The following CSN3 variants were observed in gnomAD, a reference collection of about 807,000 sequenced individuals.
CSN3 encodes the protein casein kappa, also known as kappa-casein.
In CSN3, 7 loss-of-function variants were observed where a neutral mutation model predicts 9.9. The observed-to-expected ratio is 0.71, with a 90% CI of 0.40 to 1.33. The LOEUF (loss-of-function observed/expected upper bound fraction) is 1.33. CSN3 is among the 40% of genes most tolerant of loss of function. The pLI, the probability that CSN3 is intolerant of heterozygous loss-of-function variation, is 0.01. For synonymous variants in CSN3, 88 were observed against 82.3 expected (o/e 1.07, Z -0.37); for missense variants, 253 against 227.9 (o/e 1.11, Z -0.71).
chr4:70,239,052 G>A (rs957092469), upstream of CSN3, among the ~76,000 whole-genome samples: 1 of 151,778 alleles, frequency 6.6e-6, no homozygotes, highest in Non-Finnish European at 1.5e-5. Flanking sequence ...GATACTTAAG[G>A]TTACAGGAAT....
exon 4 of CSN3, chr4:70,249,335 C>A (rs1285213999): frequency 6.2e-7 from 1 of 1,613,928 alleles, no homozygotes; most frequent in African/African-American, 1.3e-5. Context: ...ACTGTTGAAC[C>A]TACACCAGCT....
exon 4 of CSN3, chr4:70,249,204 C>T (rs751724789): frequency 1.9e-6 from 3 of 1,614,068 alleles, no homozygotes; most frequent in Non-Finnish European, 2.5e-6. Context: ...AGCGGCAATA[C>T]CTGCCAAATA....
At chr4:70,247,504 T>C (rs759143407) in intron 2 of CSN3, among the ~76,000 whole-genome samples, 1 of 152,100 alleles carries the variant, frequency 6.6e-6, no homozygotes, top group Non-Finnish European at 1.5e-5. Context: ...ATAGAAATTA[T>C]TCATATTTTT....
upstream of CSN3, among the ~76,000 whole-genome samples, chr4:70,238,579 G>T (rs991045833): frequency 1.3e-5 from 2 of 151,920 alleles, no homozygotes; most frequent in African/African-American, 4.8e-5. Context: ...TCAGATATAT[G>T]TTAAAAATAA....
At chr4:70,240,752 G>A (rs1162244385), upstream of CSN3, among the ~76,000 whole-genome samples, 4 of 151,978 alleles carry the variant, frequency 2.6e-5, no homozygotes, top group Non-Finnish European at 4.4e-5. Context: ...GAACAGAGAT[G>A]TTTACCTGCT....
chr4:70,244,790 T>G, intron 1 of CSN3, 22 bp from the exon 2 acceptor site: 1 of 1,389,204 alleles, frequency 7.2e-7, no homozygotes, highest in Non-Finnish European at 9.6e-7. Context: ...TTAAATTAAT[T>G]TTTTTTTAAA....
At chr4:70,249,069 T>C in exon 4 of CSN3, 3 of 1,613,956 alleles carry the variant, frequency 1.9e-6, no homozygotes, top group South Asian at 1.1e-5. Flanking sequence ...ATGTGCCAAA[T>C]AGCTATCCTT....
upstream of CSN3, among the ~76,000 whole-genome samples, chr4:70,240,096 A>T (rs1730241497): frequency 6.6e-6 from 1 of 151,962 alleles, no homozygotes; most frequent in East Asian, 1.9e-4. Flanking sequence ...AAATAAAACT[A>T]CATGGATGTA....
chr4:70,244,545 G>A (rs888575932), intron 1 of CSN3, among the ~76,000 whole-genome samples: 2 of 151,936 alleles, frequency 1.3e-5, no homozygotes, highest in Non-Finnish European at 2.9e-5. Context: ...GGCAAGGCCT[G>A]TATCATATTT....
At chr4:70,245,215 A>T (rs1730355320) in intron 2 of CSN3, among the ~76,000 whole-genome samples, 1 of 152,132 alleles carries the variant, frequency 6.6e-6, no homozygotes, top group African/African-American at 2.4e-5. Context: ...AGAAAGAATA[A>T]ATACAGAAAT....
chr4:70,249,105 T>C, exon 4 of CSN3: 2 of 1,614,054 alleles, frequency 1.2e-6, no homozygotes, highest in East Asian at 4.5e-5. Flanking sequence ...TGTACCAACG[T>C]AGACCAGCTA....
At chr4:70,245,520 G>T (rs1407374767) in intron 2 of CSN3, among the ~76,000 whole-genome samples, 2 of 152,126 alleles carry the variant, frequency 1.3e-5, no homozygotes, top group Non-Finnish European at 2.9e-5. Context: ...CTTAGAAAAA[G>T]GTTCTGTTTT....
intron 4 of CSN3, 55 bp downstream of exon 4, chr4:70,249,548 A>G: frequency 9.9e-7 from 1 of 1,011,434 alleles, no homozygotes; most frequent in Non-Finnish European, 1.4e-6. Context: ...GGATTTATGA[A>G]TACAACCATA....
At chr4:70,243,935 C>T (rs1257263974) in intron 1 of CSN3, among the ~76,000 whole-genome samples, 1 of 152,012 alleles carries the variant, frequency 6.6e-6, no homozygotes, top group East Asian at 1.9e-4. Context: ...AAAACAGTCT[C>T]ATAACCCTCC....
At chr4:70,248,353 G>T (rs1730419023) in intron 3 of CSN3, among the ~76,000 whole-genome samples, 1 of 151,948 alleles carries the variant, frequency 6.6e-6, no homozygotes, top group Non-Finnish European at 1.5e-5. Flanking sequence ...CATATGGAAA[G>T]GTCTACTGAC....
chr4:70,251,033 G>A (rs1423376568), intron 4 of CSN3, among the ~76,000 whole-genome samples: 1 of 151,666 alleles, frequency 6.6e-6, no homozygotes, highest in Non-Finnish European at 1.5e-5. Flanking sequence ...TTTTACTGAT[G>A]CAAAACATAA....
chr4:70,243,531 C>T (rs3775750), intron 1 of CSN3, among the ~76,000 whole-genome samples: 17,243 of 151,954 alleles, frequency 0.11, 1,288 homozygotes, highest in East Asian at 0.27. Flanking sequence ...GAGAATCAGA[C>T]GCTAATGGAG....
chr4:70,244,265 T>C lies in CSN3; in HGVS notation c.-8-547T>C, dbSNP rs983560217. 4.6e-5 allele frequency among the ~76,000 whole-genome samples: 7 copies of C among 152,086 alleles called. No individual in the cohort carries two copies. The South Asian group carries it at 1.4e-3, about 31-fold the overall frequency. Reference sequence around the variant, plus strand: ...GCTCTAAACTTTCCTTCCAATCTTATATTTCCCTTCTCATACAAGATTCCA... The same window carrying C: ...GCTCTAAACTTTCCTTCCAATCTTACATTTCCCTTCTCATACAAGATTCCA... On this transcript the variant is annotated intron_variant, in intron 1 of 4. Coordinates refer to ENST00000304954, the Ensembl canonical transcript of CSN3.
At chr4:70,238,515 T>C (rs1482261476), upstream of CSN3, among the ~76,000 whole-genome samples, 1 of 151,908 alleles carries the variant, frequency 6.6e-6, no homozygotes, top group Non-Finnish European at 1.5e-5. Context: ...AAAGTTTGAA[T>C]GTATTGTAAG....
Sources: gnomAD v4.1 joint callset for allele counts (sites outside exome capture counted in the v4.1 genomes callset) on GRCh38, gnomAD v4.1.1 for gene constraint, MANE v1.5 for transcripts, NCBI Gene and HGNC (gene_info 2026-07-23, HGNC 2026-07-21) for gene names.